FAM222B: variants seen among roughly 807,000 people sequenced by gnomAD.
FAM222B encodes the protein family with sequence similarity 222 member B.
Under a neutral mutation model 38.0 loss-of-function variants are expected in FAM222B, and 12 were observed. The observed-to-expected ratio is 0.32, with a 90% CI of 0.20 to 0.51. The LOEUF is 0.51. Ranked by LOEUF, FAM222B falls within the 20% of genes least tolerant of loss-of-function variation. The pLI is 0.97. For missense variants in FAM222B, 716 were observed against 754.2 expected (o/e 0.95, Z 0.59); for synonymous variants, 329 against 317.2 (o/e 1.04, Z -0.40).
chr17:28,794,628 G>C (rs1246710655), intron 1 of FAM222B, among the ~76,000 whole-genome samples: 1 of 152,126 alleles, frequency 6.6e-6, no homozygotes, highest in African/African-American at 2.4e-5. Flanking sequence ...TTGCTTGTAA[G>C]TCCACTTTTC....
intron 1 of FAM222B, among the ~76,000 whole-genome samples, chr17:28,804,787 A>G (rs910006210): frequency 1.3e-5 from 2 of 151,840 alleles, no homozygotes; most frequent in Non-Finnish European, 2.9e-5. Context: ...TCACGCCTAT[A>G]ATCCCAGCAC....
intron 1 of FAM222B, among the ~76,000 whole-genome samples, chr17:28,806,109 G>A (rs780162745): frequency 5.9e-5 from 9 of 151,618 alleles, no homozygotes; most frequent in Non-Finnish European, 1.0e-4. Context: ...CCGAGATCGC[G>A]CCATTGCACT....
intron 1 of FAM222B, among the ~76,000 whole-genome samples, chr17:28,797,002 T>TA (rs1476639279): frequency 6.9e-6 from 1 of 145,774 alleles, no homozygotes; most frequent in Non-Finnish European, 1.5e-5. Context: ...TGCTTTTTTT[T>TA]TTTTTTTTTT....
At chr17:28,847,438 C>CA (rs1218598708), upstream of FAM222B, among the ~76,000 whole-genome samples, 1 of 150,612 alleles carries the variant, frequency 6.6e-6, no homozygotes, top group Non-Finnish European at 1.5e-5. Flanking sequence ...ACTAAAAATA[C>CA]AAAAAATTAG....
At chr17:28,792,940 T>C (rs2036771234) in intron 1 of FAM222B, among the ~76,000 whole-genome samples, 1 of 151,930 alleles carries the variant, frequency 6.6e-6, no homozygotes, top group Non-Finnish European at 1.5e-5. Context: ...TTTTTTAAGA[T>C]AGGGTCTCAC....
chr17:28,801,171 A>AG (rs1398308329), intron 1 of FAM222B, among the ~76,000 whole-genome samples: 2 of 135,088 alleles, frequency 1.5e-5, no homozygotes. Context: ...AAAAAAAAAA[A>AG]GACCAGGCGC....
chr17:28,761,090 G>C (rs2035050668), intron 2 of FAM222B, among the ~76,000 whole-genome samples: 1 of 152,228 alleles, frequency 6.6e-6, no homozygotes, highest in Admixed American at 6.5e-5. Flanking sequence ...AAAAGAAAGA[G>C]GAAAAACCTG....
intron 1 of FAM222B, among the ~76,000 whole-genome samples, chr17:28,838,160 G>A (rs2038913315): frequency 6.6e-6 from 1 of 152,142 alleles, no homozygotes. Flanking sequence ...AGCTACTCAG[G>A]AGGCTGAAGC....
At chr17:28,842,832 G>A (rs1490429281), upstream of FAM222B, 1 of 152,458 alleles carries the variant, frequency 6.6e-6, no homozygotes, top group African/African-American at 2.4e-5. Flanking sequence ...GTAGCGCCTG[G>A]GCCCTTTCGG....
At chr17:28,840,862 G>A (rs2039013230) in intron 1 of FAM222B, among the ~76,000 whole-genome samples, 1 of 152,068 alleles carries the variant, frequency 6.6e-6, no homozygotes, top group Admixed American at 6.6e-5. Flanking sequence ...TAGGGAGGCT[G>A]AGGCAGGAGA....
At chr17:28,789,133 G>C (rs1431335550) in intron 1 of FAM222B, among the ~76,000 whole-genome samples, 1 of 147,298 alleles carries the variant, frequency 6.8e-6, no homozygotes, top group Non-Finnish European at 1.5e-5. Flanking sequence ...TAATCTTATG[G>C]ATAGTGGTAG....
chr17:28,833,335 C>T (rs1414004668), intron 1 of FAM222B, among the ~76,000 whole-genome samples: 1 of 149,672 alleles, frequency 6.7e-6, no homozygotes. Flanking sequence ...AAATAAGTTC[C>T]ACTGGGCATG....
At chr17:28,833,697 A>T (rs1222448406) in intron 1 of FAM222B, among the ~76,000 whole-genome samples, 1 of 152,024 alleles carries the variant, frequency 6.6e-6, no homozygotes, top group Non-Finnish European at 1.5e-5. Flanking sequence ...ATGAAGTAGT[A>T]GTTGTCATGC....
chr17:28,849,212 G>T (rs2039165414), intron 1 of FAM222B: 1 of 149,560 alleles, frequency 6.7e-6, no homozygotes. Context: ...AGTGAGCCGA[G>T]ATTGCGCCAC....
intron 1 of FAM222B, among the ~76,000 whole-genome samples, chr17:28,778,719 A>ATTTTTTTT (rs59098589): frequency 6.3e-4 from 16 of 25,494 alleles, no homozygotes; most frequent in African/African-American, 7.6e-4. Flanking sequence ...ATATATATAT[A>ATTTTTTTT]TTTTTTTTTT....
At chr17:28,787,030 T>C (rs537616985) in intron 1 of FAM222B, among the ~76,000 whole-genome samples, 2 of 151,332 alleles carry the variant, frequency 1.3e-5, no homozygotes, top group East Asian at 4.0e-4. Flanking sequence ...GTTCACGCCA[T>C]TCTCCTGCCT....
intron 1 of FAM222B, among the ~76,000 whole-genome samples, chr17:28,841,432 T>C (rs1239590749): frequency 6.6e-6 from 1 of 152,182 alleles, no homozygotes; most frequent in Non-Finnish European, 1.5e-5. Flanking sequence ...TGGAGTGCAA[T>C]AGCACTATCT....
intron 1 of FAM222B, among the ~76,000 whole-genome samples, chr17:28,816,108 G>A (rs973870989): frequency 6.6e-6 from 1 of 151,150 alleles, no homozygotes; most frequent in Non-Finnish European, 1.5e-5. Flanking sequence ...AAACCTCATC[G>A]CTACAATTAA....
At chr17:28,839,180 C>A (rs1395220874) in intron 1 of FAM222B, among the ~76,000 whole-genome samples, 2 of 152,114 alleles carry the variant, frequency 1.3e-5, no homozygotes, top group East Asian at 3.8e-4. Context: ...GCAATCCAGT[C>A]TGGGCAACAG....
Sources: gnomAD v4.1 joint callset for allele counts (sites outside exome capture counted in the v4.1 genomes callset) on GRCh38, gnomAD v4.1.1 for gene constraint, MANE v1.5 for transcripts, NCBI Gene and HGNC (gene_info 2026-07-23, HGNC 2026-07-21) for gene names.